SSR1: variants seen among roughly 807,000 people sequenced by gnomAD.
SSR1 encodes translocon-associated protein subunit alpha.
SSR1 carries 13 observed loss-of-function variants against 36.1 expected under a neutral mutation model. The observed-to-expected ratio is 0.36, with a 90% confidence interval of 0.23 to 0.57. The LOEUF is 0.57. Ranked by LOEUF, SSR1 falls within the 20% of genes least tolerant of loss-of-function variation. SSR1 has a pLI of 0.81. For synonymous variants in SSR1, 113 were observed against 118.9 expected, an observed-to-expected ratio of 0.95 and a Z score of 0.32; for missense variants, 291 against 338.5, an observed-to-expected ratio of 0.86 and a Z score of 1.10.
intron 5 of SSR1, chr6:7,298,457 A>C (rs1194314576): frequency 3.0e-6 from 1 of 333,186 alleles, no homozygotes; most frequent in African/African-American, 2.1e-5. Context: ...GACTTAGTTT[A>C]GGCTGGTGAA....
chr6:7,304,059 A>G (rs3823182), intron 2 of SSR1, among the ~76,000 whole-genome samples: 2,324 of 152,360 alleles, frequency 0.015, 144 homozygotes, highest in Admixed American at 0.099. Flanking sequence ...ATCATACCTC[A>G]TTAATTAAAA....
intron 7 of SSR1, among the ~76,000 whole-genome samples, chr6:7,291,950 G>A (rs966125993): frequency 2.0e-5 from 3 of 152,262 alleles, no homozygotes; most frequent in East Asian, 1.9e-4. Context: ...GTGTGCGTCT[G>A]TAGTCCCAGT....
rs1470570967 is a variant in SSR1 at position 7,285,669 on chromosome 6, A to AC, written c.*4194dup. The AC allele has an allele frequency of 1.5e-5, 2 of 132,380 alleles. No individual in the cohort carries two copies. The highest frequency in any genetic ancestry group is 5.8e-5 in the African/African-American group (2 of 34,244). The allele number at this position is 132,380 out of a possible 1,614,324, so 8.2% of individuals were successfully genotyped here. ...ATTCCAGCCTGGGCAATACAGTGAGACCCCATGTCAAAAAAAAAAAGAAAA... is the reference window on the plus strand; with the variant it reads ...ATTCCAGCCTGGGCAATACAGTGAGACCCCCATGTCAAAAAAAAAAAGAAAA... On this transcript the variant is annotated 3_prime_UTR_variant, in exon 8 of 8. Coordinates refer to ENST00000244763, the MANE Select transcript of SSR1 (RefSeq NM_003144.5). This position sits in a 1 kb window ranked among gnomAD's most constrained non-coding sequence, Gnocchi z 4.1.
At chr6:7,296,274 A>G (rs1757792729) in intron 6 of SSR1, among the ~76,000 whole-genome samples, 1 of 152,234 alleles carries the variant, frequency 6.6e-6, no homozygotes, top group Admixed American at 6.5e-5. Flanking sequence ...TATAATCCGT[A>G]AGTTAGAACC....
At chr6:7,301,051 A>G (rs183371867) in intron 4 of SSR1, among the ~76,000 whole-genome samples, 9 of 151,514 alleles carry the variant, frequency 5.9e-5, no homozygotes, top group African/African-American at 2.2e-4. Flanking sequence ...TTTCACTTCC[A>G]CTCCCACACA....
intron 1 of SSR1, among the ~76,000 whole-genome samples, chr6:7,312,055 C>T (rs1022815618): frequency 6.6e-6 from 1 of 152,194 alleles, no homozygotes; most frequent in African/African-American, 2.4e-5. Context: ...CGCAAAACAA[C>T]TCGTGAATAC....
At chr6:7,312,931 G>T in intron 1 of SSR1, 111 bp downstream of exon 1, 1 of 1,087,212 alleles carries the variant, frequency 9.2e-7, no homozygotes, top group Non-Finnish European at 1.4e-6. Context: ...AGAGGCCAGC[G>T]GGGTGGACGC....
chr6:7,295,290 T>C (rs1757767918), intron 7 of SSR1, 102 bp downstream of exon 7: 4 of 1,127,544 alleles, frequency 3.5e-6, no homozygotes, highest in South Asian at 1.4e-5. Context: ...AAAAGATGAA[T>C]GTTAAATAGT....
At position 7,291,899 on chromosome 6, in the gene SSR1, C is replaced by T. The variant is rs1179857652; in HGVS notation, c.794-1968G>A. Reference sequence around the variant, plus strand: ...CCAGCCTGGGCAACATGGTGAAACCCCCTCCCTACAACAAATATAAAAATT... The same window carrying T: ...CCAGCCTGGGCAACATGGTGAAACCTCCTCCCTACAACAAATATAAAAATT... On this transcript the variant is annotated intron_variant, in intron 7 of 7. Transcript: ENST00000244763. Among the ~76,000 whole-genome samples the T allele has an allele frequency of 1.4e-4, 21 of 152,016 alleles. No individual in the cohort carries two copies. The East Asian group carries it at 3.7e-3, about 27-fold the overall frequency.
At position 7,313,106 on chromosome 6, in the gene SSR1, G is replaced by A. The variant is rs1230138557; in HGVS notation, c.15C>T (p.Pro5=). Residue 5 remains proline, a synonymous_variant, in exon 1 of 8, where the codon CCC becomes CCT. Transcript: ENST00000244763. ...CGAGTAAGAGAAGCAGCAGCAAGCG[G>A]GGGAGGAGTCTCATGGCGCTGCCGG... MRLL[P]RLLLLLLLVF... The A allele has an allele frequency of 1.9e-6, 3 of 1,607,152 alleles. No individual in the cohort carries two copies. Among genetic ancestry groups the A allele is most frequent in the South Asian group, 1.1e-5 (1 of 90,380 alleles).
chr6:7,310,475 A>G (rs1435871219), intron 1 of SSR1, among the ~76,000 whole-genome samples: 1 of 152,238 alleles, frequency 6.6e-6, no homozygotes, highest in Admixed American at 6.5e-5. Context: ...CAAACTAAAG[A>G]TGCCTTGAAG....
At chr6:7,294,689 TCAAA>T (rs1757756269) in intron 7 of SSR1, among the ~76,000 whole-genome samples, 1 of 113,832 alleles carries the variant, frequency 8.8e-6, no homozygotes, top group African/African-American at 3.6e-5. Flanking sequence ...AGATTCCATC[TCAAA>T]TAAATAAATA....
intron 7 of SSR1, among the ~76,000 whole-genome samples, chr6:7,294,391 A>G (rs988554447): frequency 6.6e-6 from 1 of 152,208 alleles, no homozygotes; most frequent in Non-Finnish European, 1.5e-5. Flanking sequence ...ACATAATACC[A>G]TTTATGAAAA....
chr6:7,290,042 G>GGGT, intron 7 of SSR1, 111 bp from the exon 8 acceptor site: 1 of 790,510 alleles, frequency 1.3e-6, no homozygotes. Context: ...ACACACACAT[G>GGGT]GGTGAACACC....
In SSR1 at chr6:7,289,824, G is replaced by A. The variant is rs1362535299; in HGVS notation, c.*40C>T. The A allele has an allele frequency of 3.2e-6, 5 of 1,550,536 alleles. No homozygotes were observed. Among genetic ancestry groups the A allele is most frequent in the East Asian group, 4.9e-5 (2 of 40,578 alleles). On this transcript the variant is annotated 3_prime_UTR_variant, in exon 8 of 8. Transcript: ENST00000244763. ...TCCCATCAGGCCGAAAAATATTAGG[G>A]CAGGTTAAGTAAAGACCGAATTGTT...
rs148453914 is a variant in SSR1 at position 7,305,623 on chromosome 6, A to T, written c.193-1986T>A. Among the ~76,000 whole-genome samples, 532 of 152,378 alleles carry T rather than the reference A, an allele frequency of 3.5e-3. 2 individuals are homozygous for T. The highest frequency in any genetic ancestry group is 5.5e-3 in the Non-Finnish European group (374 of 68,032). ...ACGTTACAAAAGGAAAGAATAATGT[A>T]ACAAAATTCCGCAGGAAGAGATGAA... On this transcript the variant is annotated intron_variant, in intron 2 of 7. Transcript: ENST00000244763.
intron 1 of SSR1, 103 bp downstream of exon 1, chr6:7,312,939 C>G: frequency 8.5e-7 from 1 of 1,181,650 alleles, no homozygotes; most frequent in Non-Finnish European, 1.2e-6. Context: ...GCGGGGTGGA[C>G]GCGGACCCCA....
intron 7 of SSR1, among the ~76,000 whole-genome samples, chr6:7,291,676 T>C (rs1024643550): frequency 2.3e-5 from 3 of 129,728 alleles, no homozygotes; most frequent in Non-Finnish European, 3.5e-5. Context: ...AACCAATCTC[T>C]AAATAAAACT....
intron 7 of SSR1, chr6:7,295,170 T>A: frequency 6.8e-7 from 1 of 1,470,334 alleles, no homozygotes; most frequent in Non-Finnish European, 9.0e-7. Flanking sequence ...CATTCATAAA[T>A]AAGCTGCAGA....
Sources: allele counts gnomAD v4.1 joint callset (sites outside exome capture counted in the v4.1 genomes callset), GRCh38; gene constraint gnomAD v4.1.1; non-coding constraint Gnocchi (gnomAD v3.1); transcripts MANE v1.5; gene names NCBI Gene and HGNC (gene_info 2026-07-23, HGNC 2026-07-21).